The following STAC variants were observed in gnomAD, a reference collection of about 807,000 sequenced individuals.
STAC encodes SH3 and cysteine-rich domain-containing protein.
In STAC, 43 loss-of-function variants were observed where a neutral mutation model predicts 48.8. The ratio of observed to expected loss-of-function variants is 0.88; its 90% confidence interval spans 0.69 to 1.14. The LOEUF is 1.14. STAC is among the 50% of genes most tolerant of loss of function. The probability of loss-of-function intolerance (pLI) is 0.00; values close to 1 mark genes in which losing one functional copy is unlikely to be tolerated. For missense variants in STAC, 497 were observed against 504.0 expected (o/e 0.99, Z 0.13); for synonymous variants, 193 against 179.5 (o/e 1.07, Z -0.60).
At chr3:36,394,813 C>T (rs1699823227) in intron 1 of STAC, among the ~76,000 whole-genome samples, 1 of 151,768 alleles carries the variant, frequency 6.6e-6, no homozygotes, top group Non-Finnish European at 1.5e-5. Context: ...AGGAGAATCG[C>T]TTGAACCTGG....
chr3:36,474,552 T>C (rs1447238163), intron 2 of STAC, among the ~76,000 whole-genome samples: 3 of 151,562 alleles, frequency 2.0e-5, no homozygotes, highest in African/African-American at 7.3e-5. Flanking sequence ...GGCTTCAGAG[T>C]TGTGTAGACC....
At position 36,443,429 on chromosome 3, in the gene STAC, C is replaced by G. The variant is rs776374750; in HGVS notation, c.177C>G (p.Asn59Lys). 6 of 1,614,218 alleles carry G rather than the reference C, an allele frequency of 3.7e-6. No homozygotes were observed. Among genetic ancestry groups the G allele is most frequent in the Non-Finnish European group, 5.1e-6 (6 of 1,180,040 alleles). ...GTTTACGGAGCAAAAGTGCTGACAA[C>G]TTCTTCCAGCGAACCAACAGCGAAG... ...TKSLRSKSAD[N>K]FFQRTNSEDM... The change falls in exon 2 of 11, where the codon AAC (asparagine) becomes AAG (lysine). Residue 59 changes from asparagine (N) to lysine (K), a missense_variant. Coordinates refer to ENST00000273183, the MANE Select transcript of STAC (RefSeq NM_003149.3). The surrounding 1 kb of genome is among the most constrained non-coding windows in gnomAD (Gnocchi z 4.2).
Position 36,394,486 on chromosome 3 carries a change from T to C in STAC, c.111+13732T>C, listed in dbSNP as rs537692755. The stretch of plus-strand genomic sequence containing the variant: ...ATTACTCACATTTTACAAAGATTAC[T>C]GTGGCTGCTGTATGCAGTGGGACTA... On this transcript the variant is annotated intron_variant, in intron 1 of 10. Coordinates refer to ENST00000273183, the MANE Select transcript of STAC (RefSeq NM_003149.3). 4.7e-4 allele frequency among the ~76,000 whole-genome samples: 72 copies of C among 152,288 alleles called. No individual in the cohort carries two copies. In the Middle Eastern group the frequency reaches 0.01, roughly 22 times the overall value.
At chr3:36,390,446 CTTTTCTT>C (rs1485851678) in intron 1 of STAC, among the ~76,000 whole-genome samples, 2 of 68,476 alleles carry the variant, frequency 2.9e-5, no homozygotes, top group Non-Finnish European at 6.6e-5. Flanking sequence ...TGTGATTTTT[CTTTTCTT>C]TTTTTTTTTT....
At chr3:36,514,204 CTTTTTTT>C (rs765548085) in intron 8 of STAC, among the ~76,000 whole-genome samples, 158 of 36,416 alleles carry the variant, frequency 4.3e-3, no homozygotes, top group African/African-American at 6.2e-3. Context: ...CACTGGCCTT[CTTTTTTT>C]TTTTTTTTTT....
At chr3:36,484,590 C>G (rs1575231870) in intron 3 of STAC, among the ~76,000 whole-genome samples, 1 of 152,188 alleles carries the variant, frequency 6.6e-6, no homozygotes, top group Non-Finnish European at 1.5e-5. Context: ...CATGCCCAGG[C>G]CTTTTATTTA....
At chr3:36,516,025 C>T (rs11710098) in intron 8 of STAC, among the ~76,000 whole-genome samples, 15,963 of 139,518 alleles carry the variant, frequency 0.11, 1,111 homozygotes, top group Non-Finnish European at 0.15. Flanking sequence ...CTCATGTTGC[C>T]CTAGCCAGAG....
intron 1 of STAC, among the ~76,000 whole-genome samples, chr3:36,437,788 TA>T (rs1319095015): frequency 9.7e-5 from 14 of 144,970 alleles, no homozygotes; most frequent in Admixed American, 9.6e-4. Context: ...AATAATACAA[TA>T]AAAAAATAAA....
At chr3:36,437,535 C>A (rs1451223614) in intron 1 of STAC, among the ~76,000 whole-genome samples, 1 of 148,522 alleles carries the variant, frequency 6.7e-6, no homozygotes, top group East Asian at 2.0e-4. Context: ...GACAAAAAAA[C>A]CAAACACCAC....
intron 2 of STAC, among the ~76,000 whole-genome samples, chr3:36,472,809 T>C (rs1333258909): frequency 6.6e-6 from 1 of 152,202 alleles, no homozygotes; most frequent in Admixed American, 6.5e-5. Flanking sequence ...ATTCAACAAG[T>C]CTTTAGGAAG....
chr3:36,405,777 G>A (rs58076541), intron 1 of STAC, among the ~76,000 whole-genome samples: 3,537 of 152,262 alleles, frequency 0.023, 61 homozygotes, highest in East Asian at 0.026. Flanking sequence ...TTGGAGTGCA[G>A]TAACATGATT....
intron 2 of STAC, among the ~76,000 whole-genome samples, chr3:36,479,533 C>T (rs1048170337): frequency 1.3e-5 from 2 of 152,124 alleles, no homozygotes; most frequent in Non-Finnish European, 1.5e-5. Context: ...TTTATATGAA[C>T]AGTCCACCAT....
At chr3:36,469,768 T>A (rs762879607) in intron 2 of STAC, among the ~76,000 whole-genome samples, 8 of 151,796 alleles carry the variant, frequency 5.3e-5, no homozygotes, top group Non-Finnish European at 1.2e-4. Flanking sequence ...ATTTTTTTTT[T>A]ATTTTTTTTT....
intron 2 of STAC, among the ~76,000 whole-genome samples, chr3:36,446,694 A>G (rs1696516476): frequency 6.6e-6 from 1 of 152,240 alleles, no homozygotes; most frequent in South Asian, 2.1e-4. Context: ...CTACTTCATC[A>G]AATAAGGAGA....
At chr3:36,500,025 A>G (rs1350002253) in intron 6 of STAC, among the ~76,000 whole-genome samples, 1 of 152,254 alleles carries the variant, frequency 6.6e-6, no homozygotes, top group Non-Finnish European at 1.5e-5. Context: ...GAAAAATGAT[A>G]GAAACTCAAG....
chr3:36,512,261 C>A (rs1053197621), intron 8 of STAC, among the ~76,000 whole-genome samples: 1 of 152,010 alleles, frequency 6.6e-6, no homozygotes. Context: ...CAAGTAAAGC[C>A]GTGTTCTGTT....
chr3:36,494,151 CAAAAAAAAAA>C (rs751587518), intron 6 of STAC, among the ~76,000 whole-genome samples: 5 of 56,904 alleles, frequency 8.8e-5, no homozygotes, highest in Non-Finnish European at 1.3e-4. Flanking sequence ...GACTCCGTCT[CAAAAAAAAAA>C]AAAAAAAAAA....
intron 2 of STAC, among the ~76,000 whole-genome samples, chr3:36,475,025 A>G (rs552010151): frequency 6.6e-6 from 1 of 152,198 alleles, no homozygotes; most frequent in East Asian, 1.9e-4. Flanking sequence ...GCGCGCACGC[A>G]TGTGTGTTTG....
In STAC at chr3:36,522,557, C is replaced by T. The variant is rs147606468; in HGVS notation, c.921-6139C>T. On this transcript the variant is annotated intron_variant, in intron 8 of 10. Transcript: ENST00000273183. ...CAATACCTGATGTTTTATAAACATT[C>T]AGAAAATACTTGAATGTCATAGAGT... Among the ~76,000 whole-genome samples, 672 of 152,236 alleles carry T rather than the reference C, an allele frequency of 4.4e-3. 1 individual carries two copies. The highest frequency in any genetic ancestry group is 0.024 in the Middle Eastern group (7 of 294).
Sources: gnomAD v4.1 joint callset for allele counts (sites outside exome capture counted in the v4.1 genomes callset) on GRCh38, gnomAD v4.1.1 for gene constraint, Gnocchi (gnomAD v3.1) non-coding constraint, MANE v1.5 for transcripts, NCBI Gene and HGNC (gene_info 2026-07-23, HGNC 2026-07-21) for gene names.